The following RELN variants were observed in gnomAD, a reference collection of about 807,000 sequenced individuals.
RELN encodes the protein reelin.
Under a neutral mutation model 427.6 loss-of-function variants are expected in RELN, and 108 were observed. The observed-to-expected ratio is 0.25, with a 90% CI of 0.22 to 0.30. The LOEUF (loss-of-function observed/expected upper bound fraction) is 0.30, where lower values mean the gene tolerates loss of function less well. RELN is among the 10% of genes least tolerant of loss of function. The pLI is 1.00. For missense variants in RELN, 3,715 were observed against 4,302.8 expected, an observed-to-expected ratio of 0.86 and a Z score of 3.82; for synonymous variants, 1,524 against 1,513.4, an observed-to-expected ratio of 1.01 and a Z score of -0.16.
At chr7:103,737,748 G>T (rs910676826) in intron 6 of RELN, among the ~76,000 whole-genome samples, 1 of 152,152 alleles carries the variant, frequency 6.6e-6, no homozygotes, top group African/African-American at 2.4e-5. Context: ...CAGAGTCTGT[G>T]ATCGCTATTT....
intron 24 of RELN, among the ~76,000 whole-genome samples, chr7:103,600,928 G>T (rs991953567): frequency 9.9e-5 from 15 of 152,158 alleles, no homozygotes; most frequent in Admixed American, 5.9e-4. Context: ...CTCTTTACTT[G>T]CATCGACTTA....
chr7:103,728,565 C>G (rs1230230597), intron 6 of RELN, among the ~76,000 whole-genome samples: 1 of 151,982 alleles, frequency 6.6e-6, no homozygotes, highest in Non-Finnish European at 1.5e-5. Flanking sequence ...AATGTCATAG[C>G]AGGCATTTAA....
At chr7:103,806,704 T>A (rs1388579014) in intron 3 of RELN, among the ~76,000 whole-genome samples, 1 of 152,152 alleles carries the variant, frequency 6.6e-6, no homozygotes, top group Admixed American at 6.6e-5. Flanking sequence ...TGAGTAACCA[T>A]CAAGAGAATC....
At chr7:103,575,487 C>G in intron 29 of RELN, 61 bp downstream of exon 29, 1 of 1,509,440 alleles carries the variant, frequency 6.6e-7, no homozygotes, top group Non-Finnish European at 9.2e-7. Flanking sequence ...TAACATGAAA[C>G]ACAGCAACTA....
chr7:103,884,666 A>G (rs1418897343), intron 2 of RELN, among the ~76,000 whole-genome samples: 1 of 152,264 alleles, frequency 6.6e-6, no homozygotes, highest in East Asian at 1.9e-4. Flanking sequence ...TATGCACCCA[A>G]CAAAAATATG....
chr7:103,724,258 G>C (rs2115913371), intron 7 of RELN, among the ~76,000 whole-genome samples: 1 of 151,844 alleles, frequency 6.6e-6, no homozygotes, highest in African/African-American at 2.4e-5. Context: ...AACATCTTTA[G>C]ACATATCCTT....
chr7:103,587,374 T>C lies in RELN; in HGVS notation c.4145+2222A>G, dbSNP rs1010717078. Among the ~76,000 whole-genome samples the C allele has an allele frequency of 4.6e-5, 7 of 152,186 alleles. No individual in the cohort carries two copies. The South Asian group carries it at 1.5e-3, about 32-fold the overall frequency. On this transcript the variant is annotated intron_variant, in intron 28 of 64. Coordinates refer to ENST00000428762, the MANE Select transcript of RELN (RefSeq NM_005045.4). ...CCATATCTCTCACCATATACAAAAA[T>C]CAACTCAAAATGGATTGGACTTAAA...
intron 11 of RELN, among the ~76,000 whole-genome samples, chr7:103,670,122 G>C (rs1833358955): frequency 6.6e-6 from 1 of 152,042 alleles, no homozygotes; most frequent in Non-Finnish European, 1.5e-5. Flanking sequence ...GAAAGCTGAT[G>C]GTCTTCTCTA....
intron 1 of RELN, among the ~76,000 whole-genome samples, chr7:103,978,197 CTA>C (rs1796920682): frequency 6.6e-6 from 1 of 152,132 alleles, no homozygotes; most frequent in Non-Finnish European, 1.5e-5. Flanking sequence ...CCGAAATTTT[CTA>C]TCTTTTGCCT....
intron 20 of RELN, among the ~76,000 whole-genome samples, chr7:103,623,510 A>C (rs532731571): frequency 1.7e-4 from 26 of 152,342 alleles, no homozygotes; most frequent in African/African-American, 5.8e-4. Context: ...CAAGGAATAC[A>C]GCTATCTAAT....
At chr7:103,524,814 C>T (rs562868937) in intron 46 of RELN, among the ~76,000 whole-genome samples, 1 of 152,322 alleles carries the variant, frequency 6.6e-6, no homozygotes, top group South Asian at 2.1e-4. Context: ...TGTTGAGCGT[C>T]TATGTACAAA....
chr7:103,854,912 G>C (rs1227253591), intron 2 of RELN, among the ~76,000 whole-genome samples: 1 of 152,172 alleles, frequency 6.6e-6, no homozygotes, highest in African/African-American at 2.4e-5. Context: ...ATAATGCAAA[G>C]AACACTATTG....
At chr7:103,735,827 T>G (rs1020338350) in intron 6 of RELN, among the ~76,000 whole-genome samples, 1 of 152,186 alleles carries the variant, frequency 6.6e-6, no homozygotes, top group Admixed American at 6.5e-5. Flanking sequence ...AAGGAGTCAG[T>G]GTCTGACGAT....
intron 8 of RELN, among the ~76,000 whole-genome samples, chr7:103,714,146 C>G (rs889055547): frequency 2.0e-5 from 3 of 152,122 alleles, no homozygotes; most frequent in Admixed American, 1.3e-4. Context: ...TCTCCTAGTA[C>G]AAAAACCTAT....
Position 103,776,568 on chromosome 7 carries a change from C to T in RELN, c.533G>A (p.Cys178Tyr). 6.2e-7 allele frequency: 1 copy of T among 1,614,110 alleles called. No homozygotes were observed. Among genetic ancestry groups the T allele is most frequent in the Non-Finnish European group, 8.5e-7 (1 of 1,179,960 alleles). The change falls in exon 4 of 65, where the codon TGT becomes TAT. Residue 178 changes from cysteine (C) to tyrosine (Y), a missense_variant. Cys to Tyr is a radical substitution (Grantham distance 194). Coordinates refer to ENST00000428762, the MANE Select transcript of RELN (RefSeq NM_005045.4). ...AATGTGACGCTTACCTCCTTGTTCA[C>T]ACAACTGCTGGGCTAAAGCATCTTT... ...IFKDALAQQL[C>Y]EQGAPTDVTV... is the part of the protein sequence containing the mutation.
At position 103,566,561 on chromosome 7, in the gene RELN, C is replaced by G. The variant is rs546125693; in HGVS notation, c.4747+40G>C. ...CAAGGTGGGTATGGATACTTCATGACCTAAAAGCTACCAGAAAGCTGGAGT... is the reference window on the plus strand; with the variant it reads ...CAAGGTGGGTATGGATACTTCATGAGCTAAAAGCTACCAGAAAGCTGGAGT... On this transcript the variant is annotated intron_variant, in intron 32 of 64. Coordinates refer to ENST00000428762, the MANE Select transcript of RELN (RefSeq NM_005045.4). 8 of 1,613,206 alleles carry G rather than the reference C, an allele frequency of 5.0e-6. No homozygotes were observed. In the South Asian group the frequency reaches 7.7e-5, roughly 16 times the overall value.
chr7:103,575,880 T>C (rs1484765158), intron 28 of RELN, among the ~76,000 whole-genome samples, 175 bp from the exon 29 acceptor site: 2 of 151,532 alleles, frequency 1.3e-5, no homozygotes, highest in East Asian at 1.9e-4. Flanking sequence ...TCTCTCTCTC[T>C]TTTTTTTCTT....
intron 1 of RELN, among the ~76,000 whole-genome samples, chr7:103,971,640 A>T (rs1796766419): frequency 6.6e-6 from 1 of 152,234 alleles, no homozygotes; most frequent in Non-Finnish European, 1.5e-5. Flanking sequence ...AAGTGGTATT[A>T]TCTTTTTGGA....
rs80031085 is a variant in RELN at position 103,711,149 on chromosome 7, G to A, written c.806-10143C>T. Among the ~76,000 whole-genome samples, 1,382 of 152,310 alleles carry A rather than the reference G, an allele frequency of 9.1e-3. 21 individuals are homozygous for A. Among genetic ancestry groups the A allele is most frequent in the African/African-American group, 0.032 (1,331 of 41,566 alleles). Reference sequence around the variant, plus strand: ...ATTTCAGGGAGTTAACAAAAATGTTGTATTTCTTGATTTTGTGATGTTTGT... The same window carrying A: ...ATTTCAGGGAGTTAACAAAAATGTTATATTTCTTGATTTTGTGATGTTTGT... On this transcript the variant is annotated intron_variant, in intron 8 of 64. Coordinates refer to ENST00000428762, the MANE Select transcript of RELN (RefSeq NM_005045.4).
Sources: gnomAD v4.1 joint callset for allele counts (sites outside exome capture counted in the v4.1 genomes callset) on GRCh38, gnomAD v4.1.1 for gene constraint, MANE v1.5 for transcripts, NCBI Gene and HGNC (gene_info 2026-07-23, HGNC 2026-07-21) for gene names.